ITGA3: variants seen among roughly 807,000 people sequenced by gnomAD.
ITGA3 encodes the protein integrin subunit alpha 3, also known as integrin alpha-3.
A neutral mutation model predicts 131.1 loss-of-function variants in ITGA3; 70 were observed. The observed-to-expected ratio is 0.53, with a 90% CI of 0.44 to 0.65. The LOEUF is 0.65. ITGA3 is among the 30% of genes least tolerant of loss of function. ITGA3 has a pLI of 0.00. For missense variants in ITGA3, 1,098 were observed against 1,388.6 expected, an observed-to-expected ratio of 0.79 and a Z score of 3.33; for synonymous variants, 537 against 571.6, an observed-to-expected ratio of 0.94 and a Z score of 0.86.
rs192121420 is a variant in ITGA3, at chr17:50,075,498, C to T, written c.1509C>T (p.Ala503=). 4.7e-4 allele frequency: 752 copies of T among 1,614,198 alleles called. 1 individual carries two copies. Among genetic ancestry groups the T allele is most frequent in the Admixed American group, 3.3e-3 (198 of 60,028 alleles). The change falls in exon 11 of 26, where the codon GCC becomes GCT. Residue 503 remains alanine (A), a synonymous_variant. Coordinates refer to ENST00000320031, the MANE Select transcript of ITGA3 (RefSeq NM_002204.4). ...VELCFAYNQS[A]GNPNYRRNIT... is the part of the protein sequence containing the mutation. ...TGTGCTTTGCTTACAACCAGAGTGCCGGGAACCCCAACTACAGGCGAAACA... is the reference window on the plus strand; with the variant it reads ...TGTGCTTTGCTTACAACCAGAGTGCTGGGAACCCCAACTACAGGCGAAACA...
chr17:50,079,080 G>T lies in ITGA3; in HGVS notation c.2405G>T (p.Gly802Val). 1 of 1,613,528 alleles carries T rather than the reference G, an allele frequency of 6.2e-7. No homozygotes were observed. The highest frequency in any genetic ancestry group is 8.5e-7 in the Non-Finnish European group (1 of 1,179,752). ...GSPLKYEFQV[G>V]PMGEGLVGLG... ...TGACACATCTTGTGCCCACAGGTGGGCCCAATGGGGGAGGGGCTGGTGGGC... is the reference window on the plus strand; with the variant it reads ...TGACACATCTTGTGCCCACAGGTGGTCCCAATGGGGGAGGGGCTGGTGGGC... The change falls in exon 20 of 26, where the codon GGC (glycine) becomes GTC (valine). Residue 802 changes from glycine (G) to valine (V), a missense_variant. Transcript: ENST00000320031.
chr17:50,077,995 C>T, intron 16 of ITGA3, 51 bp from the exon 17 acceptor site: 1 of 1,473,636 alleles, frequency 6.8e-7, no homozygotes, highest in Non-Finnish European at 9.4e-7. Flanking sequence ...CATGACATCA[C>T]CCCCGCCAGG....
rs1012240480 is a variant in ITGA3, at chr17:50,071,245, T to G, written c.752-66T>G. The G allele has an allele frequency of 5.8e-6, 8 of 1,387,720 alleles. No individual in the cohort carries two copies. In the African/African-American group the frequency reaches 7.1e-5, roughly 12 times the overall value. 86.0% of individuals were successfully genotyped at this position (1,387,720 alleles called of 1,614,324 possible). A position where few individuals can be genotyped will look rare whatever the true frequency, so the allele number is the denominator to read the frequency against. On this transcript the variant is annotated intron_variant, in intron 5 of 25. Coordinates refer to ENST00000320031, the MANE Select transcript of ITGA3 (RefSeq NM_002204.4). ...GGGGGCAAGAGAGGGAATAGGGAGA[T>G]GGGTCCAGAGTAGAAAGAGACGAAG...
At position 50,076,201 on chromosome 17, in the gene ITGA3, CCTAA is replaced by C. The variant is rs973884317; in HGVS notation, c.1675-122_1675-119del. The C allele has an allele frequency of 2.1e-5, 23 of 1,108,848 alleles. 1 individual carries two copies. The highest frequency in any genetic ancestry group is 2.0e-4 in the African/African-American group (12 of 58,714). The allele number at this position is 1,108,848 out of a possible 1,614,324, so 68.7% of individuals were successfully genotyped here. On this transcript the variant is annotated intron_variant, in intron 12 of 25. Coordinates refer to ENST00000320031, the MANE Select transcript of ITGA3 (RefSeq NM_002204.4). ...GGCGACCGGACTGGAGGGAGTTCAG[CCTAA>C]CTGTCAGGTTTTCAGGGTGGGGGGC... is the stretch of plus-strand genomic sequence containing the variant.
Position 50,090,211 on chromosome 17 carries a change from C to T in ITGA3, c.*1133C>T, listed in dbSNP as rs36103008. On this transcript the variant is annotated 3_prime_UTR_variant, in exon 26 of 26. Coordinates refer to ENST00000320031, the MANE Select transcript of ITGA3 (RefSeq NM_002204.4). ...CCAGCCAGACCCCACGCTGACCATG[C>T]GTCAGGGGCCTAGAGGTGGAGTTCT... The T allele has an allele frequency of 0.029, 13,010 of 456,350 alleles. 362 individuals are homozygous for T. The highest frequency in any genetic ancestry group is 0.071 in the South Asian group (4,614 of 64,550). 28.3% of individuals were successfully genotyped at this position (456,350 alleles called of 1,614,324 possible). A position where few individuals can be genotyped will look rare whatever the true frequency, so the allele number is the denominator to read the frequency against.
At position 50,081,401 on chromosome 17, in the gene ITGA3, C is replaced by T; in HGVS notation, c.2912C>T (p.Thr971Ile). 1.9e-6 allele frequency: 3 copies of T among 1,576,182 alleles called. No homozygotes were observed. The highest frequency in any genetic ancestry group is 2.6e-6 in the Non-Finnish European group (3 of 1,158,564). Residue 971 changes from threonine (T) to isoleucine (I), a missense_variant, in exon 23 of 26, where the codon ACC becomes ATC. Physicochemically the swap from Thr to Ile is moderately conservative, Grantham distance 89. Around this residue, in one of 3 missense-constraint regions of ITGA3, gnomAD observed 699 missense variants for 829.2 expected, o/e 0.84. Transcript: ENST00000320031. ...CCCACCATCAACATGGAGAACAAGA[C>T]CACGTGGGTGAGTGCGCATGTTCAC... ...SIPTINMENKTTWFSVDIDSE... is the reference protein window; with the variant it reads ...SIPTINMENKITWFSVDIDSE...
chr17:50,087,739 T>C lies in ITGA3; in HGVS notation c.2920-5T>C, dbSNP rs770373742. On this transcript the variant is annotated splice_region_variant and splice_polypyrimidine_tract_variant and intron_variant, in intron 23 of 25. Transcript: ENST00000320031. ...CAGGGCTGAGTCCTCCTCTCCCCGC[T>C]CCAGTTCTCTGTGGACATTGACTCG... is the stretch of plus-strand genomic sequence containing the variant. 7.4e-6 allele frequency: 12 copies of C among 1,612,222 alleles called. No individual in the cohort carries two copies. Among genetic ancestry groups the C allele is most frequent in the Admixed American group, 1.7e-5 (1 of 59,964 alleles).
intron 24 of ITGA3, 88 bp downstream of exon 24, chr17:50,087,957 C>A (rs1024946434): frequency 1.4e-6 from 2 of 1,456,296 alleles, no homozygotes; most frequent in Non-Finnish European, 1.8e-6. Flanking sequence ...CATCCTGGTC[C>A]TCCCTTCCAT....
intron 23 of ITGA3, among the ~76,000 whole-genome samples, chr17:50,084,639 G>T (rs2144315524): frequency 6.6e-6 from 1 of 152,272 alleles, no homozygotes; most frequent in South Asian, 2.1e-4. Context: ...CAGGTTGCTG[G>T]CTGGGCATGG....
chr17:50,064,430 TG>T lies in ITGA3; in HGVS notation c.335-96del. On this transcript the variant is annotated intron_variant, in intron 2 of 25. Coordinates refer to ENST00000320031, the MANE Select transcript of ITGA3 (RefSeq NM_002204.4). The surrounding 1 kb of genome is among the most constrained non-coding windows in gnomAD (Gnocchi z 4.4). Reference sequence around the variant, plus strand: ...GGAGTTGGGAGGGCTGCCCTGTGGGTGGAGGGCCCAAGCGGGACCCACTCCT... The same window carrying T: ...GGAGTTGGGAGGGCTGCCCTGTGGGTGAGGGCCCAAGCGGGACCCACTCCT... 8.0e-7 allele frequency: 1 copy of T among 1,247,724 alleles called. No individual in the cohort carries two copies. The highest frequency in any genetic ancestry group is 1.1e-6 in the Non-Finnish European group (1 of 891,224). The allele number at this position is 1,247,724 out of a possible 1,614,324, so 77.3% of individuals were successfully genotyped here. A position where few individuals can be genotyped will look rare whatever the true frequency, so the allele number is the denominator to read the frequency against.
rs965627796 is a variant in ITGA3 at position 50,089,714 on chromosome 17, C to G, written c.*636C>G. The G allele has an allele frequency of 1.2e-5, 2 of 173,676 alleles. No homozygotes were observed. Among genetic ancestry groups the G allele is most frequent in the African/African-American group, 4.7e-5 (2 of 42,528 alleles). 10.8% of individuals were successfully genotyped at this position (173,676 alleles called of 1,614,324 possible). A position where few individuals can be genotyped will look rare whatever the true frequency, so the allele number is the denominator to read the frequency against. On this transcript the variant is annotated 3_prime_UTR_variant, in exon 26 of 26. Transcript: ENST00000320031. ...TGGATTGACTTTGCTGTCAAAACTA[C>G]TGACAGGGAGCAGCCCCCGGGCCGC... is the stretch of plus-strand genomic sequence containing the variant.
chr17:50,062,289 A>T (rs982958065), intron 1 of ITGA3, among the ~76,000 whole-genome samples: 5 of 152,162 alleles, frequency 3.3e-5, no homozygotes, highest in Admixed American at 2.0e-4. Context: ...AAGGAAAGGA[A>T]ATTGCCCCTT....
intron 3 of ITGA3, chr17:50,066,146 A>T (rs1357141267): frequency 1.3e-5 from 2 of 151,192 alleles, no homozygotes; most frequent in African/African-American, 4.9e-5. Flanking sequence ...CTCCAGCCTT[A>T]GCCTCCCAAG....
At chr17:50,077,508 C>G in intron 16 of ITGA3, 61 bp downstream of exon 16, 1 of 1,292,160 alleles carries the variant, frequency 7.7e-7, no homozygotes, top group Non-Finnish European at 1.1e-6. Flanking sequence ...CTGATGAGCT[C>G]CTTGTCCTTC....
rs745493795 is a variant in ITGA3 at position 50,056,499 on chromosome 17, C to T, written c.60C>T (p.Ala20=). The T allele has an allele frequency of 3.2e-6, 5 of 1,550,052 alleles. No homozygotes were observed. The South Asian group carries it at 4.8e-5, about 15-fold the overall frequency. The change falls in exon 1 of 26, where the codon GCC becomes GCT. Residue 20 remains alanine, a synonymous_variant. Coordinates refer to ENST00000320031, the MANE Select transcript of ITGA3 (RefSeq NM_002204.4). The surrounding 1 kb of genome is among the most constrained non-coding windows in gnomAD (Gnocchi z 5.6). ...CACGCCTGATGCTCTGTGCGCTCGC[C>T]TTGATGGTGGCGGCCGGCGGCTGCG... ...RAPRLMLCAL[A]LMVAAGGCVV... is the part of the protein sequence containing the mutation.
In ITGA3 at chr17:50,089,253, C is replaced by T; in HGVS notation, c.*175C>T. The T allele has an allele frequency of 6.2e-7, 1 of 1,613,360 alleles. No homozygotes were observed. The highest frequency in any genetic ancestry group is 8.5e-7 in the Non-Finnish European group (1 of 1,179,802). On this transcript the variant is annotated 3_prime_UTR_variant, in exon 26 of 26. Transcript: ENST00000320031. Reference sequence around the variant, plus strand: ...GGGTGACCAGCTGGCAGACTCGGGACCAATACTACTGACGTCCTCCCTGAT... The same window carrying T: ...GGGTGACCAGCTGGCAGACTCGGGATCAATACTACTGACGTCCTCCCTGAT...
chr17:50,064,521 C>T lies in ITGA3; in HGVS notation c.335-7C>T. On this transcript the variant is annotated splice_region_variant and splice_polypyrimidine_tract_variant and intron_variant, in intron 2 of 25. Coordinates refer to ENST00000320031, the MANE Select transcript of ITGA3 (RefSeq NM_002204.4). The surrounding 1 kb of genome is among the most constrained non-coding windows in gnomAD (Gnocchi z 4.4). ...GCTCTGATTCATGATCCTTCCGGTG[C>T]CCACAGATGACCCTGGCCATCACAT... 1.2e-6 allele frequency: 2 copies of T among 1,609,600 alleles called. No individual in the cohort carries two copies. Among genetic ancestry groups the T allele is most frequent in the East Asian group, 2.2e-5 (1 of 44,798 alleles).
rs577531446 is a variant in ITGA3 at position 50,080,505 on chromosome 17, T to TGTGTGTGTGTGTGA, written c.2820+131_2820+132insTGTGTGTGTGTGAG. 10 of 527,046 alleles carry TGTGTGTGTGTGTGA rather than the reference T, an allele frequency of 1.9e-5. No homozygotes were observed. In the East Asian group the frequency reaches 1.9e-4, roughly 10 times the overall value. The allele number at this position is 527,046 out of a possible 1,614,324, so 32.6% of individuals were successfully genotyped here. Reference sequence around the variant, plus strand: ...GTGTGTGTGTGTGTGTGTGTGTGTGTGATTTGCGTGTCTTTGCATGGATGT... The same window carrying TGTGTGTGTGTGTGA: ...GTGTGTGTGTGTGTGTGTGTGTGTGTGTGTGTGTGTGTGAGATTTGCGTGTCTTTGCATGGATGT... On this transcript the variant is annotated intron_variant, in intron 22 of 25. Transcript: ENST00000320031.
In ITGA3 at chr17:50,077,061, C is replaced by G. The variant is rs771277476; in HGVS notation, c.2010C>G (p.Ala670=). The change falls in exon 15 of 26, where the codon GCC becomes GCG. Residue 670 remains alanine (A), a synonymous_variant. Transcript: ENST00000320031. ...CCTCGGAGCGCTCCGGGGAGGACGC[C>G]CACGAGGCGCTGCTCACCCTGGTGG... ...TRTSERSGED[A]HEALLTLVVP... 5 of 1,601,922 alleles carry G rather than the reference C, an allele frequency of 3.1e-6. No homozygotes were observed. The African/African-American group carries it at 6.7e-5, about 21-fold the overall frequency.
Sources: gnomAD v4.1 joint callset for allele counts (sites outside exome capture counted in the v4.1 genomes callset) on GRCh38, gnomAD v4.1.1 for gene constraint, gnomAD v4.1.1 regional missense constraint, Gnocchi (gnomAD v3.1) non-coding constraint, MANE v1.5 for transcripts, NCBI Gene and HGNC (gene_info 2026-07-23, HGNC 2026-07-21) for gene names.